NOS1: variants seen among roughly 807,000 people sequenced by gnomAD.
NOS1 encodes nitric oxide synthase 1.
A neutral mutation model predicts 164.5 loss-of-function variants in NOS1; 51 were observed. The observed-to-expected ratio is 0.31, with a 90% CI of 0.25 to 0.39. NOS1 has a LOEUF of 0.39. NOS1 is among the 10% of genes least tolerant of loss of function. The pLI, the probability that NOS1 is intolerant of heterozygous loss-of-function variation, is 1.00. For missense variants in NOS1, 1,362 were observed against 1,885.6 expected (o/e 0.72, Z 5.14); for synonymous variants, 719 against 745.8 (o/e 0.96, Z 0.59).
At chr12:117,269,271 C>CCTGG (rs778665831) in intron 10 of NOS1, among the ~76,000 whole-genome samples, 1 of 151,822 alleles carries the variant, frequency 6.6e-6, no homozygotes, top group Non-Finnish European at 1.5e-5. Context: ...AGAGCAAAGC[C>CCTGG]CTGGGGTGGG....
intron 3 of NOS1, 39 bp downstream of exon 3, chr12:117,311,427 G>A (rs371466673): frequency 1.4e-5 from 22 of 1,561,466 alleles, no homozygotes; most frequent in African/African-American, 1.3e-4. Flanking sequence ...TCGAGAAGGC[G>A]TGGGAAGCAG....
chr12:117,306,796 T>G (rs2136050127), intron 3 of NOS1, among the ~76,000 whole-genome samples: 1 of 152,268 alleles, frequency 6.6e-6, no homozygotes, highest in South Asian at 2.1e-4. Context: ...ATTTTTGTAT[T>G]TTTAGTAGAG....
At chr12:117,293,539 T>C (rs531839161) in intron 3 of NOS1, among the ~76,000 whole-genome samples, 1 of 152,282 alleles carries the variant, frequency 6.6e-6, no homozygotes, top group Admixed American at 6.5e-5. Flanking sequence ...ATGTTAGCCA[T>C]TATTTATTAT....
intron 22 of NOS1, among the ~76,000 whole-genome samples, chr12:117,230,216 T>G (rs1869096666): frequency 1.3e-5 from 2 of 152,254 alleles, no homozygotes; most frequent in South Asian, 4.1e-4. Flanking sequence ...GCCCAAATTC[T>G]GCTTTAAATA....
At chr12:117,344,972 A>G (rs111471328) in intron 1 of NOS1, among the ~76,000 whole-genome samples, 2 of 152,154 alleles carry the variant, frequency 1.3e-5, no homozygotes, top group African/African-American at 2.4e-5. Context: ...ACGAAGATCA[A>G]ACGCGGGCTA....
At chr12:117,355,620 T>C (rs535967077) in intron 1 of NOS1, among the ~76,000 whole-genome samples, 1 of 152,124 alleles carries the variant, frequency 6.6e-6, no homozygotes, top group East Asian at 1.9e-4. Flanking sequence ...TAACAGAACA[T>C]ATCTGCAGGT....
chr12:117,223,972 T>C (rs1027392148), intron 25 of NOS1, among the ~76,000 whole-genome samples: 2 of 152,150 alleles, frequency 1.3e-5, no homozygotes, highest in Non-Finnish European at 2.9e-5. Context: ...CTCAACTTTC[T>C]AAGCCTCTGC....
In NOS1 at chr12:117,265,195, A is replaced by G. The variant is rs1051813535; in HGVS notation, c.2136+121T>C. 1.1e-5 allele frequency: 9 copies of G among 824,374 alleles called. No individual in the cohort carries two copies. The African/African-American group carries it at 1.4e-4, about 13-fold the overall frequency. The allele number at this position is 824,374 out of a possible 1,614,324, so 51.1% of individuals were successfully genotyped here. A position where few individuals can be genotyped will look rare whatever the true frequency, so the allele number is the denominator to read the frequency against. ...GCTAGACCTGTGCAATATGGTAGCC[A>G]CCAGCCACATGTGGCTATTGAGTGT... On this transcript the variant is annotated intron_variant, in intron 12 of 28. Coordinates refer to ENST00000317775, the MANE Select transcript of NOS1 (RefSeq NM_000620.5).
In NOS1 at chr12:117,222,002, G is replaced by T. The variant is rs186762784; in HGVS notation, c.3975+713C>A. ...GTAAAAACGTCATGTAACATTTACC[G>T]TCGTAACCACTTTAAAGTGTATGAC... On this transcript the variant is annotated intron_variant, in intron 26 of 28. Coordinates refer to ENST00000317775, the MANE Select transcript of NOS1 (RefSeq NM_000620.5). Among the ~76,000 whole-genome samples, 695 of 151,904 alleles carry T rather than the reference G, an allele frequency of 4.6e-3. 4 individuals are homozygous for T. The highest frequency in any genetic ancestry group is 5.0e-3 in the Non-Finnish European group (342 of 67,954).
intron 2 of NOS1, among the ~76,000 whole-genome samples, chr12:117,327,126 C>G (rs1292690757): frequency 6.6e-6 from 1 of 152,190 alleles, no homozygotes; most frequent in Non-Finnish European, 1.5e-5. Flanking sequence ...GAATTGCAAT[C>G]AAGTGCATGG....
intron 22 of NOS1, among the ~76,000 whole-genome samples, chr12:117,229,032 C>T (rs879545818): frequency 9.8e-5 from 15 of 152,318 alleles, no homozygotes; most frequent in South Asian, 2.1e-4. Flanking sequence ...CCACCCACCT[C>T]GGCCTCCCAA....
chr12:117,262,486 G>GA (rs1178630783), intron 13 of NOS1, among the ~76,000 whole-genome samples: 1 of 108,838 alleles, frequency 9.2e-6, no homozygotes, highest in Non-Finnish European at 1.8e-5. Context: ...AAAGGGGGAG[G>GA]GGGAGAGAGA....
At chr12:117,304,700 C>T (rs1045167656) in intron 3 of NOS1, among the ~76,000 whole-genome samples, 2 of 152,194 alleles carry the variant, frequency 1.3e-5, no homozygotes, top group African/African-American at 2.4e-5. Flanking sequence ...ACTGGGGACT[C>T]GTCTCACTGG....
chr12:117,253,804 G>T, intron 16 of NOS1, 50 bp from the exon 17 acceptor site: 1 of 1,252,996 alleles, frequency 8.0e-7, no homozygotes, highest in Non-Finnish European at 1.2e-6. Context: ...GCTCCCTCCT[G>T]AGGTCAACAC....
In NOS1 at chr12:117,361,552, G is replaced by C. The variant is rs1255261340; in HGVS notation, c.-461C>G. ...GCTGCTCGCTGCCCGGCCGCCCCTC[G>C]GAGGAGCCGCGGCGCTAAGTAGCTC... On this transcript the variant is annotated 5_prime_UTR_variant, in exon 1 of 29. Coordinates refer to ENST00000317775, the MANE Select transcript of NOS1 (RefSeq NM_000620.5). The C allele has an allele frequency of 6.6e-6, 1 of 152,128 alleles. No individual in the cohort carries two copies. Among genetic ancestry groups the C allele is most frequent in the Non-Finnish European group, 1.5e-5 (1 of 68,080 alleles). The allele number at this position is 152,128 out of a possible 1,614,324, so 9.4% of individuals were successfully genotyped here.
In NOS1 at chr12:117,211,307, G is replaced by A. The variant is rs1475805841; in HGVS notation, c.*4002C>T. On this transcript the variant is annotated 3_prime_UTR_variant, in exon 29 of 29. Coordinates refer to ENST00000317775, the MANE Select transcript of NOS1 (RefSeq NM_000620.5). ...TATTCTCACCCTCTACAATGGATGGGGTGCCAGGTACGCTGATTCAGTTCC... is the reference window on the plus strand; with the variant it reads ...TATTCTCACCCTCTACAATGGATGGAGTGCCAGGTACGCTGATTCAGTTCC... The A allele has an allele frequency of 1.0e-6, 1 of 985,140 alleles. No homozygotes were observed. Among genetic ancestry groups the A allele is most frequent in the Non-Finnish European group, 1.2e-6 (1 of 829,934 alleles). The allele number at this position is 985,140 out of a possible 1,614,324, so 61.0% of individuals were successfully genotyped here. A position where few individuals can be genotyped will look rare whatever the true frequency, so the allele number is the denominator to read the frequency against.
At position 117,211,795 on chromosome 12, in the gene NOS1, G is replaced by A; in HGVS notation, c.*3514C>T. 1 of 985,442 alleles carries A rather than the reference G, an allele frequency of 1.0e-6. No homozygotes were observed. Among genetic ancestry groups the A allele is most frequent in the Non-Finnish European group, 1.2e-6 (1 of 829,958 alleles). The allele number at this position is 985,442 out of a possible 1,614,324, so 61.0% of individuals were successfully genotyped here. The stretch of plus-strand genomic sequence containing the variant: ...AGATTATAACCTTTGGCTGGGCGTG[G>A]TGGCTCATGCCTGTAATCCAGCACT... On this transcript the variant is annotated 3_prime_UTR_variant, in exon 29 of 29. Coordinates refer to ENST00000317775, the MANE Select transcript of NOS1 (RefSeq NM_000620.5).
chr12:117,208,728 C>CTT lies in NOS1; in HGVS notation c.*6579_*6580dup, dbSNP rs10644899. 0.011 allele frequency: 10,190 copies of CTT among 918,524 alleles called. 4 individuals carry two copies. Among genetic ancestry groups the CTT allele is most frequent in the African/African-American group, 0.017 (850 of 50,142 alleles). The allele number at this position is 918,524 out of a possible 1,614,324, so 56.9% of individuals were successfully genotyped here. On this transcript the variant is annotated 3_prime_UTR_variant, in exon 29 of 29. Coordinates refer to ENST00000317775, the MANE Select transcript of NOS1 (RefSeq NM_000620.5). ...CATCCTCTGTTCTGGCATGGGAGGGCTTTTTTTTTTTTTTCCACAGGGTCT... is the reference window on the plus strand; with the variant it reads ...CATCCTCTGTTCTGGCATGGGAGGGCTTTTTTTTTTTTTTTTCCACAGGGTCT...
intron 2 of NOS1, among the ~76,000 whole-genome samples, chr12:117,326,302 C>T (rs1215655761): frequency 6.6e-6 from 1 of 151,682 alleles, no homozygotes; most frequent in African/African-American, 2.4e-5. Context: ...AGGAGAATTG[C>T]TGGAACCCGG....
Sources: gnomAD v4.1 joint callset for allele counts (sites outside exome capture counted in the v4.1 genomes callset) on GRCh38, gnomAD v4.1.1 for gene constraint, MANE v1.5 for transcripts, NCBI Gene and HGNC (gene_info 2026-07-23, HGNC 2026-07-21) for gene names.